Variants in DOCK1 observed in about 807,000 individuals in gnomAD.
DOCK1 encodes the protein dedicator of cytokinesis 1.
In DOCK1, 138 loss-of-function variants were observed where a neutral mutation model predicts 262.7. The observed-to-expected ratio is 0.53, with a 90% CI of 0.46 to 0.61. The LOEUF (loss-of-function observed/expected upper bound fraction) is 0.61, where lower values mean the gene tolerates loss of function less well. DOCK1 is among the 20% of genes least tolerant of loss of function. DOCK1 has a pLI of 0.00. For synonymous variants in DOCK1, 866 were observed against 867.4 expected (o/e 1.00, Z 0.03); for missense variants, 1,908 against 2,370.7 (o/e 0.80, Z 4.05).
chr10:127,332,852 C>T (rs564060254), intron 29 of DOCK1, among the ~76,000 whole-genome samples: 2 of 152,266 alleles, frequency 1.3e-5, no homozygotes, highest in South Asian at 4.1e-4. Flanking sequence ...GGAGACGGAG[C>T]GGCTGAGATG....
chr10:126,913,412 G>T (rs574617674), intron 1 of DOCK1, among the ~76,000 whole-genome samples: 3 of 152,180 alleles, frequency 2.0e-5, no homozygotes, highest in Non-Finnish European at 4.4e-5. Flanking sequence ...GTGACCCAGG[G>T]CTGTCCCACA....
At chr10:127,138,055 G>A (rs532423571) in intron 27 of DOCK1, 1 of 1,554,560 alleles carries the variant, frequency 6.4e-7, no homozygotes, top group East Asian at 2.3e-5. Context: ...TTTAGCATTT[G>A]ATCTTTTCCA....
At chr10:127,169,599 C>A (rs930899741) in intron 27 of DOCK1, among the ~76,000 whole-genome samples, 1 of 152,134 alleles carries the variant, frequency 6.6e-6, no homozygotes, top group Non-Finnish European at 1.5e-5. Context: ...CACAAGTATG[C>A]CCATTCATAC....
At chr10:127,352,931 A>G (rs1309182316) in intron 31 of DOCK1, among the ~76,000 whole-genome samples, 1 of 152,154 alleles carries the variant, frequency 6.6e-6, no homozygotes, top group Non-Finnish European at 1.5e-5. Context: ...CCAGAATGAG[A>G]AGAACTCTGT....
chr10:127,293,775 A>G (rs1387822212), intron 29 of DOCK1, among the ~76,000 whole-genome samples: 1 of 152,206 alleles, frequency 6.6e-6, no homozygotes, highest in Non-Finnish European at 1.5e-5. Flanking sequence ...GGTGGCACCC[A>G]CTGTGTATTT....
intron 35 of DOCK1, 69 bp from the exon 36 acceptor site, chr10:127,380,013 T>C (rs189911058): frequency 1.8e-6 from 2 of 1,104,244 alleles, no homozygotes; most frequent in East Asian, 5.2e-5. Flanking sequence ...TATCTTGAAT[T>C]TTTATTGTGC....
intron 27 of DOCK1, chr10:127,136,801 C>T (rs540180134): frequency 3.3e-5 from 5 of 152,684 alleles, no homozygotes; most frequent in South Asian, 2.1e-4. Flanking sequence ...CTAAACTAAA[C>T]GCACTGTTTC....
At chr10:127,391,895 C>T (rs1238378750) in intron 38 of DOCK1, among the ~76,000 whole-genome samples, 1 of 151,898 alleles carries the variant, frequency 6.6e-6, no homozygotes, top group Non-Finnish European at 1.5e-5. Context: ...TGGATCACAG[C>T]GTGAACTGCT....
At chr10:127,262,502 C>G (rs1455043556) in intron 29 of DOCK1, among the ~76,000 whole-genome samples, 4 of 152,064 alleles carry the variant, frequency 2.6e-5, no homozygotes, top group Non-Finnish European at 5.9e-5. Context: ...ATTCCCACAT[C>G]CTTCTGCCCC....
intron 22 of DOCK1, among the ~76,000 whole-genome samples, chr10:127,059,907 G>T (rs1564771070): frequency 6.6e-6 from 1 of 152,178 alleles, no homozygotes; most frequent in Non-Finnish European, 1.5e-5. Context: ...CAGATGATGT[G>T]ATCTTCTTCC....
intron 29 of DOCK1, among the ~76,000 whole-genome samples, chr10:127,259,279 C>T (rs895872245): frequency 8.5e-5 from 13 of 152,200 alleles, no homozygotes; most frequent in East Asian, 1.9e-4. Context: ...GCTTCTCAGT[C>T]GTCATCTAGA....
rs2069448810 is a variant in DOCK1 at position 127,433,550 on chromosome 10, C to A, written c.5060+122C>A. On this transcript the variant is annotated intron_variant, in intron 48 of 51. Transcript: ENST00000623213. ...AGGATTTTGTGTTCATCAAAATTAT[C>A]TTTGAAACTGAGACCCTCCGAGACT... The A allele has an allele frequency of 3.0e-6, 4 of 1,313,796 alleles. No homozygotes were observed. The East Asian group carries it at 9.9e-5, about 33-fold the overall frequency. 81.4% of individuals were successfully genotyped at this position (1,313,796 alleles called of 1,614,324 possible).
chr10:127,383,582 G>A (rs867935023), intron 37 of DOCK1, among the ~76,000 whole-genome samples: 1 of 152,210 alleles, frequency 6.6e-6, no homozygotes, highest in Non-Finnish European at 1.5e-5. Flanking sequence ...TACAGGGCCC[G>A]TGCCCTGTGC....
At chr10:126,923,047 T>A (rs1319244286) in intron 1 of DOCK1, among the ~76,000 whole-genome samples, 2 of 152,170 alleles carry the variant, frequency 1.3e-5, no homozygotes, top group African/African-American at 4.8e-5. Flanking sequence ...AGGCGGAGGT[T>A]GCGTTGAGCC....
At chr10:127,005,421 A>G (rs994715928) in intron 10 of DOCK1, among the ~76,000 whole-genome samples, 2 of 152,174 alleles carry the variant, frequency 1.3e-5, no homozygotes, top group Non-Finnish European at 2.9e-5. Flanking sequence ...TTCATAGGCT[A>G]CTTCAATTTC....
At chr10:127,179,420 T>C (rs918678791) in intron 27 of DOCK1, among the ~76,000 whole-genome samples, 1 of 152,242 alleles carries the variant, frequency 6.6e-6, no homozygotes, top group Non-Finnish European at 1.5e-5. Flanking sequence ...TAGTTTGTTA[T>C]TGCTGACTTA....
chr10:127,308,889 A>G (rs749929989), intron 29 of DOCK1, among the ~76,000 whole-genome samples: 94 of 152,222 alleles, frequency 6.2e-4, no homozygotes, highest in Non-Finnish European at 9.3e-4. Flanking sequence ...TAGTGTCGCA[A>G]TAAACATACG....
chr10:127,122,729 A>G (rs537132705), intron 25 of DOCK1, among the ~76,000 whole-genome samples: 2 of 151,654 alleles, frequency 1.3e-5, no homozygotes, highest in South Asian at 4.2e-4. Flanking sequence ...GTTGTTTCTC[A>G]TCAGGAGAGG....
intron 20 of DOCK1, 30 bp downstream of exon 20, chr10:127,042,744 G>T: frequency 1.2e-6 from 2 of 1,607,972 alleles, no homozygotes; most frequent in Non-Finnish European, 1.7e-6. Flanking sequence ...CATATGCTTG[G>T]ATAACACAGC....
Sources: gnomAD v4.1 joint callset for allele counts (sites outside exome capture counted in the v4.1 genomes callset) on GRCh38, gnomAD v4.1.1 for gene constraint, MANE v1.5 for transcripts, NCBI Gene and HGNC (gene_info 2026-07-23, HGNC 2026-07-21) for gene names.